The following FRMD4A variants were observed in gnomAD, a reference collection of about 807,000 sequenced individuals.
The protein encoded by FRMD4A is FERM domain-containing protein 4A.
Under a neutral mutation model 129.1 loss-of-function variants are expected in FRMD4A, and 29 were observed. That is an observed-to-expected ratio of 0.22 (90% CI 0.17 to 0.31). The LOEUF (loss-of-function observed/expected upper bound fraction) is 0.31. Among genes scored for constraint, FRMD4A ranks in the 10% least tolerant of loss-of-function variants. FRMD4A has a pLI of 1.00. For missense variants in FRMD4A, 1,272 were observed against 1,375.8 expected (o/e 0.92, Z 1.19); for synonymous variants, 634 against 571.6 (o/e 1.11, Z -1.56).
intron 3 of FRMD4A, among the ~76,000 whole-genome samples, chr10:13,819,385 C>T (rs74412277): frequency 0.014 from 2,160 of 152,208 alleles, 22 homozygotes; most frequent in Non-Finnish European, 0.024. Context: ...TAAATTTTAT[C>T]CTGCTCAAAG....
chr10:14,232,300 T>C (rs150060550), intron 2 of FRMD4A, among the ~76,000 whole-genome samples: 57 of 152,338 alleles, frequency 3.7e-4, no homozygotes, highest in Admixed American at 3.6e-3. Flanking sequence ...TGTTTGTTTT[T>C]GTCCCAGTAC....
chr10:13,691,003 A>T (rs1338171430), intron 15 of FRMD4A, among the ~76,000 whole-genome samples: 1 of 152,084 alleles, frequency 6.6e-6, no homozygotes, highest in Non-Finnish European at 1.5e-5. Context: ...TGTGTGTGTG[A>T]GAGAGACACA....
chr10:13,800,712 G>T (rs146535361), intron 4 of FRMD4A, among the ~76,000 whole-genome samples: 14 of 152,162 alleles, frequency 9.2e-5, no homozygotes, highest in Admixed American at 7.2e-4. Flanking sequence ...GGGACATGTC[G>T]CATGAAGGGA....
In FRMD4A at chr10:13,646,821, G is replaced by A. The variant is rs1036538651; in HGVS notation, c.*217C>T. On this transcript the variant is annotated 3_prime_UTR_variant, in exon 25 of 25. Coordinates refer to ENST00000357447, the MANE Select transcript of FRMD4A (RefSeq NM_018027.5). ...GGAATGCGGAGACAGGAGAAAAAAA[G>A]TGCTGAGGGCCAAAGCTGGTGCAGG... 1 of 161,362 alleles carries A rather than the reference G, an allele frequency of 6.2e-6. No homozygotes were observed. The highest frequency in any genetic ancestry group is 1.3e-5 in the Non-Finnish European group (1 of 75,944). The allele number at this position is 161,362 out of a possible 1,614,324, so 10.0% of individuals were successfully genotyped here.
chr10:13,956,415 G>T (rs941221416), intron 2 of FRMD4A, among the ~76,000 whole-genome samples: 1 of 152,200 alleles, frequency 6.6e-6, no homozygotes, highest in Non-Finnish European at 1.5e-5. Flanking sequence ...GCCTCCCAAA[G>T]TGCTGGGATT....
chr10:14,309,479 A>T (rs1032392883), intron 2 of FRMD4A, among the ~76,000 whole-genome samples: 14 of 152,054 alleles, frequency 9.2e-5, no homozygotes, highest in African/African-American at 1.7e-4. Context: ...AACAAACAAC[A>T]ACAACAACAA....
At chr10:14,015,384 C>T (rs1246659572) in intron 2 of FRMD4A, among the ~76,000 whole-genome samples, 1 of 149,100 alleles carries the variant, frequency 6.7e-6, no homozygotes, top group African/African-American at 2.5e-5. Flanking sequence ...TCCTTTTTCT[C>T]TTCCCCTCCC....
chr10:13,972,222 G>A, intron 2 of FRMD4A: 1 of 1,006,430 alleles, frequency 9.9e-7, no homozygotes, highest in Non-Finnish European at 1.2e-6. Flanking sequence ...CCTCCAGGGT[G>A]AGAAAGCTAA....
At position 13,810,878 on chromosome 10, in the gene FRMD4A, G is replaced by T; in HGVS notation, c.142C>A (p.Leu48Ile). 6.2e-7 allele frequency: 1 copy of T among 1,603,606 alleles called. No homozygotes were observed. Among genetic ancestry groups the T allele is most frequent in the South Asian group, 1.1e-5 (1 of 90,536 alleles). ...TTCAGATTGAAGTGAGAAGCCACAA[G>T]GTCAAGAAGCTCCTTGGCCAACAGC... is the stretch of plus-strand genomic sequence containing the variant. ...PKLLAKELLD[L>I]VASHFNLKEK... The change falls in exon 4 of 25, where the codon CTT becomes ATT. Residue 48 changes from leucine to isoleucine, a missense_variant. By Grantham distance (5) the Leu-to-Ile change is conservative. This residue lies in a region of FRMD4A where 300 missense variants were observed against 483.6 expected (regional missense o/e 0.62). Transcript: ENST00000357447.
At chr10:14,209,721 A>AG (rs965902625) in intron 2 of FRMD4A, among the ~76,000 whole-genome samples, 5 of 150,696 alleles carry the variant, frequency 3.3e-5, no homozygotes, top group Non-Finnish European at 4.4e-5. Flanking sequence ...ACTGTCTCAA[A>AG]AAAAAAAAAA....
At chr10:14,129,929 G>A (rs759809923) in intron 2 of FRMD4A, among the ~76,000 whole-genome samples, 10 of 152,164 alleles carry the variant, frequency 6.6e-5, no homozygotes, top group Non-Finnish European at 1.0e-4. Flanking sequence ...GAGCTGGGGC[G>A]AGATGTTCCA....
At chr10:13,803,762 C>G (rs1468850556) in intron 4 of FRMD4A, among the ~76,000 whole-genome samples, 24 of 152,202 alleles carry the variant, frequency 1.6e-4, no homozygotes, top group Non-Finnish European at 8.8e-5. Context: ...AGAGCAGATG[C>G]TAAATAAATA....
chr10:14,330,317 AAAAG>A, intron 1 of FRMD4A, 134 bp from the exon 2 acceptor site: 1 of 549,010 alleles, frequency 1.8e-6, no homozygotes, highest in Non-Finnish European at 3.3e-6. Flanking sequence ...GAAAAAAAAA[AAAAG>A]AAGAAGGAAA....
chr10:13,660,369 A>C lies in FRMD4A; in HGVS notation c.1845T>G (p.Ser615=), dbSNP rs2082542833. 1 of 1,614,050 alleles carries C rather than the reference A, an allele frequency of 6.2e-7. No homozygotes were observed. The highest frequency in any genetic ancestry group is 1.3e-5 in the African/African-American group (1 of 74,938). ...PIKPKMWSES[S]LDEPYEKVKK... Reference sequence around the variant, plus strand: ...TGACCTTCTCATAGGGTTCATCTAAAGAGGACTCACTCCACATTTTGGGCT... The same window carrying C: ...TGACCTTCTCATAGGGTTCATCTAACGAGGACTCACTCCACATTTTGGGCT... Residue 615 remains serine, a synonymous_variant, in exon 20 of 25, where the codon TCT becomes TCG. Transcript: ENST00000357447.
intron 2 of FRMD4A, among the ~76,000 whole-genome samples, chr10:13,947,500 C>T (rs925098282): frequency 1.3e-5 from 2 of 151,882 alleles, no homozygotes; most frequent in Non-Finnish European, 2.9e-5. Flanking sequence ...GATGACCAAA[C>T]CAAGATCTGT....
chr10:14,004,829 A>C (rs1289966881), intron 2 of FRMD4A, among the ~76,000 whole-genome samples: 1 of 152,140 alleles, frequency 6.6e-6, no homozygotes, highest in Non-Finnish European at 1.5e-5. Context: ...CGTAAATAGC[A>C]AATAGACAAG....
At chr10:13,887,923 T>C (rs188232742) in intron 2 of FRMD4A, among the ~76,000 whole-genome samples, 36 of 152,262 alleles carry the variant, frequency 2.4e-4, no homozygotes, top group Non-Finnish European at 4.3e-4. Flanking sequence ...ACGGAAAGGG[T>C]GGCAGCTGAT....
At chr10:13,927,300 T>C (rs1373679490) in intron 2 of FRMD4A, among the ~76,000 whole-genome samples, 1 of 151,978 alleles carries the variant, frequency 6.6e-6, no homozygotes, top group African/African-American at 2.4e-5. Context: ...CCCAGTGTCA[T>C]CATTTGCTCC....
chr10:13,791,457 G>GAGAC (rs2130809665), intron 5 of FRMD4A, among the ~76,000 whole-genome samples: 1 of 21,812 alleles, frequency 4.6e-5, no homozygotes, highest in Non-Finnish European at 1.5e-4. Flanking sequence ...GTGTGTGTGT[G>GAGAC]AGAGAAAGGG....
Sources: allele counts gnomAD v4.1 joint callset (sites outside exome capture counted in the v4.1 genomes callset), GRCh38; gene constraint gnomAD v4.1.1; regional missense constraint gnomAD v4.1.1; transcripts MANE v1.5; gene names NCBI Gene and HGNC (gene_info 2026-07-23, HGNC 2026-07-21).